Variants in GRID2 observed in about 807,000 individuals in gnomAD.
The protein encoded by GRID2 is glutamate ionotropic receptor delta type subunit 2, also known as glutamate receptor ionotropic, delta-2.
In GRID2, 33 loss-of-function variants were observed where a neutral mutation model predicts 114.8. That is an observed-to-expected ratio of 0.29 (90% CI 0.22 to 0.38). The LOEUF (loss-of-function observed/expected upper bound fraction) is 0.38. GRID2 is among the 10% of genes least tolerant of loss of function. The probability of loss-of-function intolerance (pLI) is 1.00; values close to 1 mark genes in which losing one functional copy is unlikely to be tolerated. For synonymous variants in GRID2, 505 were observed against 449.9 expected, an observed-to-expected ratio of 1.12 and a Z score of -1.55; for missense variants, 1,184 against 1,257.7, an observed-to-expected ratio of 0.94 and a Z score of 0.89.
intron 1 of GRID2, among the ~76,000 whole-genome samples, chr4:92,343,996 T>G (rs1278664271): frequency 6.6e-6 from 1 of 152,166 alleles, no homozygotes; most frequent in Non-Finnish European, 1.5e-5. Flanking sequence ...TGTCTTCACA[T>G]TAAATAGGTA....
intron 14 of GRID2, among the ~76,000 whole-genome samples, chr4:93,660,591 TA>T (rs5860339): frequency 0.43 from 65,782 of 151,904 alleles, 15,927 homozygotes; most frequent in African/African-American, 0.65. Context: ...AACATGTGAG[TA>T]AAAAGTTTAA....
chr4:92,838,098 A>G (rs1742594953), intron 2 of GRID2, among the ~76,000 whole-genome samples: 1 of 152,124 alleles, frequency 6.6e-6, no homozygotes, highest in Non-Finnish European at 1.5e-5. Context: ...TCAGAAAGCC[A>G]TGGTGTTTTA....
intron 2 of GRID2, among the ~76,000 whole-genome samples, chr4:92,974,497 C>G (rs1031565697): frequency 3.3e-5 from 5 of 152,064 alleles, no homozygotes; most frequent in Admixed American, 6.5e-5. Context: ...CCATGGAATA[C>G]TTTGCAGCCA....
intron 14 of GRID2, among the ~76,000 whole-genome samples, chr4:93,715,084 A>T (rs1041026128): frequency 2.0e-5 from 3 of 152,206 alleles, no homozygotes; most frequent in Middle Eastern, 3.4e-3. Context: ...TAAATTTTTA[A>T]TCCATCTTGA....
At chr4:92,882,523 C>G (rs146857688) in intron 2 of GRID2, among the ~76,000 whole-genome samples, 1 of 151,440 alleles carries the variant, frequency 6.6e-6, no homozygotes, top group Non-Finnish European at 1.5e-5. Flanking sequence ...TTTCAAATGC[C>G]TAGAACTATA....
chr4:92,658,571 G>T (rs1732359237), intron 2 of GRID2, among the ~76,000 whole-genome samples: 1 of 151,638 alleles, frequency 6.6e-6, no homozygotes, highest in Non-Finnish European at 1.5e-5. Context: ...GAAAGGTCCT[G>T]ATGTCAGAGA....
intron 1 of GRID2, among the ~76,000 whole-genome samples, chr4:92,521,045 T>G (rs2149139746): frequency 6.6e-6 from 1 of 152,092 alleles, no homozygotes; most frequent in Non-Finnish European, 1.5e-5. Flanking sequence ...ACAATTTCAC[T>G]GTTTTCAGAA....
chr4:92,626,952 TAAAAC>T (rs751644965), intron 2 of GRID2, among the ~76,000 whole-genome samples: 5 of 151,536 alleles, frequency 3.3e-5, no homozygotes, highest in East Asian at 3.9e-4. Flanking sequence ...AAGGGAAACA[TAAAAC>T]AAAACACATG....
intron 11 of GRID2, among the ~76,000 whole-genome samples, chr4:93,462,761 T>C (rs1723868578): frequency 6.7e-6 from 1 of 149,604 alleles, no homozygotes; most frequent in Admixed American, 6.6e-5. Context: ...AACTTACCAA[T>C]GTCCTATTTA....
At chr4:92,869,579 G>A (rs1169107597) in intron 2 of GRID2, among the ~76,000 whole-genome samples, 1 of 151,986 alleles carries the variant, frequency 6.6e-6, no homozygotes, top group Non-Finnish European at 1.5e-5. Context: ...TAATTAATGG[G>A]GGAATGAATA....
At chr4:93,189,713 G>A (rs1323806814) in intron 4 of GRID2, among the ~76,000 whole-genome samples, 1 of 149,440 alleles carries the variant, frequency 6.7e-6, no homozygotes, top group African/African-American at 2.5e-5. Flanking sequence ...AGGGAATATG[G>A]AACTAAGGAA....
At chr4:92,307,437 A>G (rs1725465949) in intron 1 of GRID2, among the ~76,000 whole-genome samples, 1 of 152,126 alleles carries the variant, frequency 6.6e-6, no homozygotes, top group Non-Finnish European at 1.5e-5. Context: ...AAAGATGAAA[A>G]GACACTGCTC....
At chr4:93,675,416 A>C (rs1298558351) in intron 14 of GRID2, among the ~76,000 whole-genome samples, 1 of 152,220 alleles carries the variant, frequency 6.6e-6, no homozygotes, top group African/African-American at 2.4e-5. Context: ...ATAAGTGTTT[A>C]ATAAGAAAAG....
chr4:92,856,719 A>G (rs1458694674), intron 2 of GRID2, among the ~76,000 whole-genome samples: 1 of 152,196 alleles, frequency 6.6e-6, no homozygotes, highest in Non-Finnish European at 1.5e-5. Context: ...GAAGTTATCC[A>G]AAATGTCAGC....
intron 13 of GRID2, among the ~76,000 whole-genome samples, chr4:93,536,631 T>G (rs1560726560): frequency 6.8e-6 from 1 of 146,790 alleles, no homozygotes; most frequent in Non-Finnish European, 1.5e-5. Context: ...TGACAATGAC[T>G]TGATATTTTT....
intron 2 of GRID2, among the ~76,000 whole-genome samples, chr4:92,950,251 T>A (rs1030270351): frequency 2.0e-5 from 3 of 152,150 alleles, no homozygotes; most frequent in African/African-American, 7.2e-5. Flanking sequence ...GCCTGTTGGC[T>A]CAAAATATGT....
chr4:93,484,255 T>A (rs1726158087), intron 11 of GRID2, among the ~76,000 whole-genome samples: 1 of 151,882 alleles, frequency 6.6e-6, no homozygotes, highest in African/African-American at 2.4e-5. Flanking sequence ...CATTTCCTTT[T>A]CCTCAATCAT....
chr4:93,158,135 A>G (rs1364881296), intron 4 of GRID2, among the ~76,000 whole-genome samples: 4 of 151,694 alleles, frequency 2.6e-5, no homozygotes, highest in African/African-American at 9.7e-5. Context: ...GTTTGTTTTC[A>G]CCATTTGTGA....
intron 13 of GRID2, among the ~76,000 whole-genome samples, chr4:93,614,715 A>C (rs1741412325): frequency 6.6e-6 from 1 of 152,164 alleles, no homozygotes; most frequent in South Asian, 2.1e-4. Context: ...CTGTCCTCTG[A>C]TACAGCAGTT....
Sources: gnomAD v4.1 joint callset for allele counts (sites outside exome capture counted in the v4.1 genomes callset) on GRCh38, gnomAD v4.1.1 for gene constraint, MANE v1.5 for transcripts, NCBI Gene and HGNC (gene_info 2026-07-23, HGNC 2026-07-21) for gene names.